KCNB2: variants seen among roughly 807,000 people sequenced by gnomAD.
KCNB2 encodes potassium voltage-gated channel subfamily B member 2, also known as delayed rectifier potassium channel protein.
A neutral mutation model predicts 61.5 loss-of-function variants in KCNB2; 15 were observed. The ratio of observed to expected loss-of-function variants is 0.24; its 90% confidence interval spans 0.16 to 0.38. The LOEUF is 0.38. KCNB2 is among the 10% of genes least tolerant of loss of function. The pLI, the probability that KCNB2 is intolerant of heterozygous loss-of-function variation, is 1.00. For missense variants in KCNB2, 828 were observed against 1,125.2 expected (o/e 0.74, Z 3.78); for synonymous variants, 457 against 446.0 (o/e 1.02, Z -0.31).
At chr8:72,606,406 G>A (rs1302876185) in intron 2 of KCNB2, among the ~76,000 whole-genome samples, 3 of 152,096 alleles carry the variant, frequency 2.0e-5, no homozygotes, top group Non-Finnish European at 2.9e-5. Context: ...ATTGTATAAC[G>A]TAATATTTTT....
chr8:72,845,905 C>G (rs529100686), intron 2 of KCNB2, among the ~76,000 whole-genome samples: 1 of 152,186 alleles, frequency 6.6e-6, no homozygotes, highest in East Asian at 1.9e-4. Context: ...CTGAGCTAAA[C>G]CACTTGGTTC....
At chr8:72,723,197 A>G (rs1431609292) in intron 2 of KCNB2, among the ~76,000 whole-genome samples, 1 of 152,230 alleles carries the variant, frequency 6.6e-6, no homozygotes, top group Non-Finnish European at 1.5e-5. Flanking sequence ...GGAGATGCAC[A>G]GAAGTGAAAT....
intron 2 of KCNB2, among the ~76,000 whole-genome samples, chr8:72,801,342 T>C (rs543385933): frequency 2.6e-5 from 4 of 152,324 alleles, no homozygotes; most frequent in Admixed American, 6.5e-5. Context: ...GTAAAAAGAA[T>C]AGAACATGCT....
In KCNB2 at chr8:72,740,682, G is replaced by C. The variant is rs557009079; in HGVS notation, c.579+172369G>C. On this transcript the variant is annotated intron_variant, in intron 2 of 2. Transcript: ENST00000523207. ...TGCTTCCAGCCCTGAACTCTCCTTTGAATGCTTTAGTCTGAATTACAGCCA... is the reference window on the plus strand; with the variant it reads ...TGCTTCCAGCCCTGAACTCTCCTTTCAATGCTTTAGTCTGAATTACAGCCA... 5.9e-5 allele frequency among the ~76,000 whole-genome samples: 9 copies of C among 152,250 alleles called. No homozygotes were observed. In the East Asian group the frequency reaches 1.7e-3, roughly 29 times the overall value.
At chr8:72,857,739 A>G (rs995880741) in intron 2 of KCNB2, among the ~76,000 whole-genome samples, 3 of 152,214 alleles carry the variant, frequency 2.0e-5, no homozygotes, top group African/African-American at 7.2e-5. Flanking sequence ...TGAACCAATG[A>G]TCATGATGCA....
At chr8:72,818,916 G>T (rs973892447) in intron 2 of KCNB2, among the ~76,000 whole-genome samples, 1 of 152,068 alleles carries the variant, frequency 6.6e-6, no homozygotes, top group African/African-American at 2.4e-5. Context: ...CTAAACAACT[G>T]CAGGGTTGCA....
chr8:72,760,718 G>A (rs1421385760), intron 2 of KCNB2, among the ~76,000 whole-genome samples: 2 of 152,216 alleles, frequency 1.3e-5, no homozygotes, highest in Non-Finnish European at 2.9e-5. Flanking sequence ...CATATACTAA[G>A]TACAGCCTCA....
At chr8:72,884,372 C>T (rs944772499) in intron 2 of KCNB2, among the ~76,000 whole-genome samples, 7 of 151,620 alleles carry the variant, frequency 4.6e-5, no homozygotes, top group African/African-American at 2.4e-5. Context: ...GTGTGTTAGC[C>T]GGGGGAGGGG....
At chr8:72,767,294 A>G (rs1343162151) in intron 2 of KCNB2, among the ~76,000 whole-genome samples, 5 of 152,156 alleles carry the variant, frequency 3.3e-5, no homozygotes, top group Admixed American at 2.6e-4. Context: ...TCACTTATTT[A>G]ATGCATACAA....
chr8:72,664,020 G>A (rs2128987546), intron 2 of KCNB2, among the ~76,000 whole-genome samples: 1 of 152,242 alleles, frequency 6.6e-6, no homozygotes, highest in South Asian at 2.1e-4. Context: ...CAGATGTCAG[G>A]CCATTTTAGC....
At chr8:72,637,438 A>G (rs752573506) in intron 2 of KCNB2, among the ~76,000 whole-genome samples, 6 of 152,112 alleles carry the variant, frequency 3.9e-5, no homozygotes, top group South Asian at 2.1e-4. Context: ...GGAGCTATCA[A>G]TCTATCCAGT....
intron 2 of KCNB2, chr8:72,619,340 A>T (rs1354900522): frequency 1.7e-6 from 1 of 594,960 alleles, no homozygotes; most frequent in African/African-American, 1.9e-5. Flanking sequence ...GAAGGTCTTG[A>T]AGAGGCTTGG....
At chr8:72,733,850 G>A (rs185715199) in intron 2 of KCNB2, among the ~76,000 whole-genome samples, 5 of 152,208 alleles carry the variant, frequency 3.3e-5, no homozygotes, top group African/African-American at 1.2e-4. Context: ...GTGGGAAGGG[G>A]GACAGGGTGG....
chr8:72,611,678 G>A (rs997824830), intron 2 of KCNB2, among the ~76,000 whole-genome samples: 1 of 152,158 alleles, frequency 6.6e-6, no homozygotes, highest in East Asian at 1.9e-4. Flanking sequence ...GACTATGGAA[G>A]GGATACCTTC....
chr8:72,802,884 A>G (rs1167690208), intron 2 of KCNB2, among the ~76,000 whole-genome samples: 3 of 152,192 alleles, frequency 2.0e-5, no homozygotes, highest in Admixed American at 6.5e-5. Context: ...TTTCACATCA[A>G]TAAAAGGTTT....
chr8:72,937,026 C>A lies in KCNB2; in HGVS notation c.1671C>A (p.Asn557Lys). Residue 557 changes from asparagine to lysine, a missense_variant, in exon 3 of 3, where the codon AAC (asparagine) becomes AAA (lysine). Around this residue, in one of 4 missense-constraint regions of KCNB2, gnomAD observed 559 missense variants for 588.4 expected, o/e 0.95. Coordinates refer to ENST00000523207, the MANE Select transcript of KCNB2 (RefSeq NM_004770.3). ...ITKTQPHSHP[N>K]PDCQEKPERP... ...AGACACAGCCTCATTCTCACCCAAA[C>A]CCAGACTGCCAAGAAAAGCCTGAGA... The A allele has an allele frequency of 6.2e-7, 1 of 1,614,082 alleles. No homozygotes were observed. Among genetic ancestry groups the A allele is most frequent in the Non-Finnish European group, 8.5e-7 (1 of 1,179,994 alleles).
At chr8:72,793,193 T>A (rs1808974629) in intron 2 of KCNB2, among the ~76,000 whole-genome samples, 1 of 152,182 alleles carries the variant, frequency 6.6e-6, no homozygotes, top group Non-Finnish European at 1.5e-5. Context: ...AGTACTGGGG[T>A]TGGTTTCTGC....
intron 2 of KCNB2, among the ~76,000 whole-genome samples, chr8:72,841,882 C>A (rs1436126651): frequency 6.6e-6 from 1 of 152,192 alleles, no homozygotes; most frequent in Non-Finnish European, 1.5e-5. Context: ...CAAACAGAGA[C>A]AATATGACTT....
At chr8:72,794,236 T>A (rs1375836688) in intron 2 of KCNB2, among the ~76,000 whole-genome samples, 1 of 152,090 alleles carries the variant, frequency 6.6e-6, no homozygotes, top group Non-Finnish European at 1.5e-5. Context: ...CTACAACATT[T>A]ACTGGATTGG....
Sources: gnomAD v4.1 joint callset for allele counts (sites outside exome capture counted in the v4.1 genomes callset) on GRCh38, gnomAD v4.1.1 for gene constraint, gnomAD v4.1.1 regional missense constraint, MANE v1.5 for transcripts, NCBI Gene and HGNC (gene_info 2026-07-23, HGNC 2026-07-21) for gene names.